The following ZCCHC8 variants were observed in gnomAD, a reference collection of about 807,000 sequenced individuals.
ZCCHC8 encodes the protein zinc finger CCHC-type containing 8.
ZCCHC8 carries 27 observed loss-of-function variants against 70.6 expected under a neutral mutation model. The observed-to-expected ratio is 0.38, with a 90% CI of 0.28 to 0.53. The LOEUF (loss-of-function observed/expected upper bound fraction) is 0.53, where lower values mean the gene tolerates loss of function less well. ZCCHC8 is among the 20% of genes least tolerant of loss of function. The pLI, the probability that ZCCHC8 is intolerant of heterozygous loss-of-function variation, is 0.81. For missense variants in ZCCHC8, 737 were observed against 876.9 expected, an observed-to-expected ratio of 0.84 and a Z score of 2.01; for synonymous variants, 293 against 317.4, an observed-to-expected ratio of 0.92 and a Z score of 0.82.
At position 122,500,593 on chromosome 12, in the gene ZCCHC8, GC is replaced by G. The variant is rs1957909927; in HGVS notation, c.199+48del. The stretch of plus-strand genomic sequence containing the variant: ...CTGCCCCGGCCCCACGCCTGGCGCT[GC>G]CCCGGCCCCACACCCGGGTGACAGG... On this transcript the variant is annotated intron_variant, in intron 1 of 13. Coordinates refer to ENST00000633063, the MANE Select transcript of ZCCHC8 (RefSeq NM_017612.5). The surrounding 1 kb of genome is among the most constrained non-coding windows in gnomAD (Gnocchi z 4.8). 2.0e-6 allele frequency: 3 copies of G among 1,516,798 alleles called. No homozygotes were observed. Among genetic ancestry groups the G allele is most frequent in the Non-Finnish European group, 2.6e-6 (3 of 1,132,380 alleles). The allele number at this position is 1,516,798 out of a possible 1,614,324, so 94.0% of individuals were successfully genotyped here. A position where few individuals can be genotyped will look rare whatever the true frequency, so the allele number is the denominator to read the frequency against.
chr12:122,478,464 T>G, intron 11 of ZCCHC8, 172 bp from the exon 12 acceptor site: 1 of 583,028 alleles, frequency 1.7e-6, no homozygotes, highest in Non-Finnish European at 3.0e-6. Context: ...AAAACTAAAC[T>G]TGCCTGCAAA....
chr12:122,497,398 C>T (rs1454387769), intron 2 of ZCCHC8, among the ~76,000 whole-genome samples: 2 of 151,624 alleles, frequency 1.3e-5, no homozygotes, highest in African/African-American at 4.8e-5. Context: ...AAAAATTAGC[C>T]GAGTGTGGTA....
At chr12:122,480,377 A>C (rs1957507910) in intron 10 of ZCCHC8, 66 bp from the exon 11 acceptor site, 2 of 1,364,604 alleles carry the variant, frequency 1.5e-6, no homozygotes, top group South Asian at 1.8e-5. Flanking sequence ...CCAGACCAAA[A>C]GTACACCTGG....
At chr12:122,498,946 T>G (rs1957872985) in intron 1 of ZCCHC8, 77 bp from the exon 2 acceptor site, 6 of 1,311,186 alleles carry the variant, frequency 4.6e-6, no homozygotes, top group Non-Finnish European at 6.5e-6. Flanking sequence ...TCTCTCACTT[T>G]TGGTGTCAGA....
intron 13 of ZCCHC8, among the ~76,000 whole-genome samples, chr12:122,474,605 C>T (rs1307862011): frequency 6.6e-6 from 1 of 152,106 alleles, no homozygotes; most frequent in Non-Finnish European, 1.5e-5. Flanking sequence ...TGCACTCTAC[C>T]CAAAAATTTG....
chr12:122,483,659 T>G lies in ZCCHC8; in HGVS notation c.502-96A>C. 9.9e-7 allele frequency: 1 copy of G among 1,012,340 alleles called. No individual in the cohort carries two copies. Among genetic ancestry groups the G allele is most frequent in the Non-Finnish European group, 1.5e-6 (1 of 687,600 alleles). 62.7% of individuals were successfully genotyped at this position (1,012,340 alleles called of 1,614,324 possible). A position where few individuals can be genotyped will look rare whatever the true frequency, so the allele number is the denominator to read the frequency against. The stretch of plus-strand genomic sequence containing the variant: ...ATTAACTGTTTTAACAATTTATTTT[T>G]GGATGGAATTATTAGAAATAATAAC... On this transcript the variant is annotated intron_variant, in intron 5 of 13. Transcript: ENST00000633063. This position sits in a 1 kb window ranked among gnomAD's most constrained non-coding sequence, Gnocchi z 4.4.
chr12:122,477,666 C>T (rs1266649303), intron 13 of ZCCHC8, among the ~76,000 whole-genome samples, 175 bp downstream of exon 13: 1 of 150,654 alleles, frequency 6.6e-6, no homozygotes, highest in African/African-American at 2.4e-5. Context: ...TGATGCATGC[C>T]TGTAATCCCA....
chr12:122,482,230 T>C (rs2137336957), intron 8 of ZCCHC8, 143 bp from the exon 9 acceptor site: 2 of 854,516 alleles, frequency 2.3e-6, no homozygotes, highest in East Asian at 5.8e-5. Flanking sequence ...AGAGGGTGAA[T>C]ATTTTAGAAA....
rs528814601 is a variant in ZCCHC8 at position 122,475,349 on chromosome 12, A to G, written c.1346-1074T>C. ...CCTGAGCCACTGTGCCTGGCCCCCAATTGTTTTCTCTAATCTACACTGCTC... is the reference window on the plus strand; with the variant it reads ...CCTGAGCCACTGTGCCTGGCCCCCAGTTGTTTTCTCTAATCTACACTGCTC... On this transcript the variant is annotated intron_variant, in intron 13 of 13. Coordinates refer to ENST00000633063, the MANE Select transcript of ZCCHC8 (RefSeq NM_017612.5). 3.6e-4 allele frequency among the ~76,000 whole-genome samples: 54 copies of G among 151,906 alleles called. No homozygotes were observed. In the South Asian group the frequency reaches 9.0e-3, roughly 25 times the overall value.
intron 9 of ZCCHC8, 71 bp downstream of exon 9, chr12:122,481,874 C>A: frequency 6.5e-7 from 1 of 1,538,466 alleles, no homozygotes; most frequent in Non-Finnish European, 8.8e-7. Flanking sequence ...ATAATTAGCC[C>A]AAAGAGACAC....
At chr12:122,484,808 A>C (rs1957603077) in intron 5 of ZCCHC8, among the ~76,000 whole-genome samples, 1 of 152,108 alleles carries the variant, frequency 6.6e-6, no homozygotes, top group Non-Finnish European at 1.5e-5. Flanking sequence ...CATGCAGCCA[A>C]ATTCAATGAA....
At chr12:122,486,676 T>C (rs1039605830) in intron 5 of ZCCHC8, among the ~76,000 whole-genome samples, 8 of 151,854 alleles carry the variant, frequency 5.3e-5, no homozygotes, top group African/African-American at 1.9e-4. Flanking sequence ...TTCTAGCGAT[T>C]CTCCTGCCTC....
At chr12:122,495,713 T>A (rs111460882) in intron 2 of ZCCHC8, among the ~76,000 whole-genome samples, 3,071 of 151,800 alleles carry the variant, frequency 0.02, 49 homozygotes, top group Non-Finnish European at 0.033. Context: ...CTGGGCATAG[T>A]GGTGTGCACC....
chr12:122,485,122 TTTTGAG>T (rs1485150143), intron 5 of ZCCHC8, among the ~76,000 whole-genome samples: 5 of 152,184 alleles, frequency 3.3e-5, no homozygotes. Context: ...TATTATTATT[TTTTGAG>T]ACGGAGTTTC....
In ZCCHC8 at chr12:122,480,199, T is replaced by C. The variant is rs1196028538; in HGVS notation, c.1131A>G (p.Gly377=). The C allele has an allele frequency of 6.3e-7, 1 of 1,581,474 alleles. No homozygotes were observed. Among genetic ancestry groups the C allele is most frequent in the East Asian group, 2.3e-5 (1 of 44,404 alleles). Residue 377 remains glycine (G), a synonymous_variant, in exon 11 of 14, where the codon GGA becomes GGG. Coordinates refer to ENST00000633063, the MANE Select transcript of ZCCHC8 (RefSeq NM_017612.5). The part of the protein sequence containing the change: ...YPGFNISTPR[G]IPDEWRIFGS... ...AAATCAATATACTTACGTCTGGAAT[T>C]CCTCTGGGAGTAGATATATTAAAAC...
At position 122,478,219 on chromosome 12, in the gene ZCCHC8, G is replaced by GA; in HGVS notation, c.1213dup (p.Ser405PhefsTer2). The GA allele has an allele frequency of 6.3e-7, 1 of 1,597,388 alleles. No homozygotes were observed. Among genetic ancestry groups the GA allele is most frequent in the Non-Finnish European group, 8.5e-7 (1 of 1,171,390 alleles). ...AAATCTATTTACCGCTTGGAAGTTA[G>GA]AAGTAAGGTAATTGGCAAACACATC... On this transcript the variant is annotated frameshift_variant, in exon 12 of 14. Transcript: ENST00000633063. LOFTEE classifies it high-confidence loss of function.
chr12:122,475,790 C>T (rs535798855), intron 13 of ZCCHC8, among the ~76,000 whole-genome samples: 7 of 152,340 alleles, frequency 4.6e-5, no homozygotes, highest in Non-Finnish European at 1.0e-4. Context: ...CCAGACCCCA[C>T]AGGATGAAGT....
Position 122,489,422 on chromosome 12 carries a change from C to G in ZCCHC8, c.465G>C (p.Glu155Asp), listed in dbSNP as rs1437400101. ...CCTTGTTGTTTTTAATGGCACAGGA[C>G]TCTTCCACTTTGTGGTCCTCCTCTA... is the stretch of plus-strand genomic sequence containing the variant. ...IVLEEDHKVE[E>D]SCAIKNNKEA... Residue 155 changes from glutamate (E) to aspartate (D), a missense_variant, in exon 5 of 14, where the codon GAG becomes GAC. By Grantham distance (45) the Glu-to-Asp change is conservative. Coordinates refer to ENST00000633063, the MANE Select transcript of ZCCHC8 (RefSeq NM_017612.5). 1 of 1,613,722 alleles carries G rather than the reference C, an allele frequency of 6.2e-7. No homozygotes were observed. Among genetic ancestry groups the G allele is most frequent in the African/African-American group, 1.3e-5 (1 of 74,940 alleles).
intron 12 of ZCCHC8, 35 bp from the exon 13 acceptor site, chr12:122,477,993 G>T: frequency 6.6e-7 from 1 of 1,506,666 alleles, no homozygotes; most frequent in South Asian, 1.1e-5. Context: ...CAAGTTAAGC[G>T]GGGTAGATAA....
Sources: allele counts gnomAD v4.1 joint callset (sites outside exome capture counted in the v4.1 genomes callset), GRCh38; gene constraint gnomAD v4.1.1; non-coding constraint Gnocchi (gnomAD v3.1); transcripts MANE v1.5; gene names NCBI Gene and HGNC (gene_info 2026-07-23, HGNC 2026-07-21).